Variants in ABCA10 observed in about 807,000 individuals in gnomAD.
ABCA10 encodes ATP-binding cassette sub-family A member 10.
A neutral mutation model predicts 187.5 loss-of-function variants in ABCA10; 169 were observed. The observed-to-expected ratio is 0.90, with a 90% CI of 0.80 to 1.02. ABCA10 has a LOEUF of 1.02. ABCA10 is among the 50% of genes least tolerant of loss of function. The pLI is 0.00. For missense variants in ABCA10, 1,727 were observed against 1,812.4 expected (o/e 0.95, Z 0.86); for synonymous variants, 574 against 601.8 (o/e 0.95, Z 0.68).
intron 27 of ABCA10, among the ~76,000 whole-genome samples, chr17:69,157,148 T>G (rs2074180734): frequency 6.6e-6 from 1 of 152,190 alleles, no homozygotes; most frequent in East Asian, 1.9e-4. Flanking sequence ...CCACATTAAT[T>G]TTTTTAAAAA....
intron 5 of ABCA10, 63 bp from the exon 6 acceptor site, chr17:69,219,834 A>G (rs2074733282): frequency 1.7e-6 from 2 of 1,153,780 alleles, no homozygotes; most frequent in African/African-American, 3.1e-5. Context: ...AGAAAACTAT[A>G]CACTTTTTAT....
chr17:69,212,720 C>T (rs934885637), intron 9 of ABCA10, among the ~76,000 whole-genome samples: 11 of 152,134 alleles, frequency 7.2e-5, no homozygotes, highest in Non-Finnish European at 1.3e-4. Flanking sequence ...TAATGTCCCT[C>T]TTTGTCTTTT....
chr17:69,242,294 C>G (rs1426572188), intron 1 of ABCA10, among the ~76,000 whole-genome samples: 1 of 152,092 alleles, frequency 6.6e-6, no homozygotes, highest in Non-Finnish European at 1.5e-5. Context: ...TTTCCTACAA[C>G]TATATGACAA....
chr17:69,220,501 A>T lies in ABCA10; in HGVS notation c.304-730T>A, dbSNP rs150008386. Among the ~76,000 whole-genome samples, 14 of 152,288 alleles carry T rather than the reference A, an allele frequency of 9.2e-5. No individual in the cohort carries two copies. In the East Asian group the frequency reaches 2.7e-3, roughly 29 times the overall value. ...AATAAGAGGCCAGGTAAAAGATTGGATGTGATGAGTGAGACAGAGAAAATT... is the reference window on the plus strand; with the variant it reads ...AATAAGAGGCCAGGTAAAAGATTGGTTGTGATGAGTGAGACAGAGAAAATT... On this transcript the variant is annotated intron_variant, in intron 5 of 38. Transcript: ENST00000690296.
intron 9 of ABCA10, among the ~76,000 whole-genome samples, chr17:69,210,847 C>CACATATATATATATATATATATAT (rs1169352704): frequency 1.7e-3 from 64 of 37,884 alleles, no homozygotes; most frequent in African/African-American, 3.5e-3. Flanking sequence ...ATTTATGCCA[C>CACATATATATATATATATATATAT]ATATATATAT....
chr17:69,211,282 A>G (rs945825273), intron 9 of ABCA10, among the ~76,000 whole-genome samples: 13 of 116,534 alleles, frequency 1.1e-4, no homozygotes, highest in Admixed American at 2.8e-4. Context: ...ATCCTATGGT[A>G]TATATATATC....
At chr17:69,177,795 A>T (rs1422106128) in intron 22 of ABCA10, among the ~76,000 whole-genome samples, 5 of 150,518 alleles carry the variant, frequency 3.3e-5, no homozygotes, top group Non-Finnish European at 7.4e-5. Context: ...CTCTACTAAA[A>T]ATACAAAAAA....
At chr17:69,153,070 G>A (rs1204113539) in intron 34 of ABCA10, among the ~76,000 whole-genome samples, 1 of 152,006 alleles carries the variant, frequency 6.6e-6, no homozygotes, top group South Asian at 2.1e-4. Flanking sequence ...AGAGGAATAA[G>A]AAAGAGAAAT....
In ABCA10 at chr17:69,218,643, T is replaced by C. The variant is rs180980994; in HGVS notation, c.530+902A>G. On this transcript the variant is annotated intron_variant, in intron 6 of 38. Transcript: ENST00000690296. ...TATATATATAAATGCATAGACTATATAGATGGAGAGCATAGATATATATAT... is the reference window on the plus strand; with the variant it reads ...TATATATATAAATGCATAGACTATACAGATGGAGAGCATAGATATATATAT... Among the ~76,000 whole-genome samples the C allele has an allele frequency of 4.0e-5, 6 of 149,430 alleles. 1 individual carries two copies. Among genetic ancestry groups the C allele is most frequent in the Admixed American group, 1.3e-4 (2 of 15,122 alleles).
intron 1 of ABCA10, among the ~76,000 whole-genome samples, chr17:69,238,520 C>T (rs2074885775): frequency 6.6e-6 from 1 of 152,156 alleles, no homozygotes; most frequent in Non-Finnish European, 1.5e-5. Context: ...TAGCTCTAGG[C>T]TAGGATTTTA....
rs778728455 is a variant in ABCA10, at chr17:69,152,348, G to A, written c.4256+14C>T. The A allele has an allele frequency of 3.7e-6, 6 of 1,611,602 alleles. No individual in the cohort carries two copies. The highest frequency in any genetic ancestry group is 5.1e-6 in the Non-Finnish European group (6 of 1,178,988). ...GAACATGCTAGTCCCATGCTGGTCA[G>A]GACAGGCACCCACCTTAGCGTTCCT... is the stretch of plus-strand genomic sequence containing the variant. On this transcript the variant is annotated intron_variant, in intron 35 of 38. Coordinates refer to ENST00000690296, the MANE Select transcript of ABCA10 (RefSeq NM_001377321.1).
At chr17:69,171,008 A>T in intron 25 of ABCA10, among the ~76,000 whole-genome samples, 1 of 152,236 alleles carries the variant, frequency 6.6e-6, no homozygotes, top group East Asian at 1.9e-4. Context: ...TGGCTTGTAC[A>T]ATCGTAGATG....
chr17:69,220,871 C>T (rs2074742476), intron 5 of ABCA10, among the ~76,000 whole-genome samples: 1 of 152,174 alleles, frequency 6.6e-6, no homozygotes, highest in Non-Finnish European at 1.5e-5. Flanking sequence ...GGCTTTCATA[C>T]TACAACAGCA....
rs182956228 is a variant in ABCA10 at position 69,160,719 on chromosome 17, T to C, written c.3363+3355A>G. 1.8e-3 allele frequency among the ~76,000 whole-genome samples: 277 copies of C among 152,278 alleles called. 2 individuals carry two copies. The highest frequency in any genetic ancestry group is 6.3e-3 in the African/African-American group (262 of 41,558). On this transcript the variant is annotated intron_variant, in intron 27 of 38. Coordinates refer to ENST00000690296, the MANE Select transcript of ABCA10 (RefSeq NM_001377321.1). ...AACGCAAATGAAAACCACAATGGCATACCACCTCACATCCATTAGGATGAC... is the reference window on the plus strand; with the variant it reads ...AACGCAAATGAAAACCACAATGGCACACCACCTCACATCCATTAGGATGAC...
chr17:69,238,850 C>G (rs2074887560), intron 1 of ABCA10, among the ~76,000 whole-genome samples: 1 of 152,150 alleles, frequency 6.6e-6, no homozygotes, highest in Non-Finnish European at 1.5e-5. Flanking sequence ...TCTGTTGAGG[C>G]AATTGTCTTC....
chr17:69,180,422 A>T (rs1179853030), intron 22 of ABCA10, among the ~76,000 whole-genome samples: 1 of 152,192 alleles, frequency 6.6e-6, no homozygotes, highest in Non-Finnish European at 1.5e-5. Flanking sequence ...ACTCAGTTCC[A>T]CTGAAAAATA....
intron 25 of ABCA10, among the ~76,000 whole-genome samples, chr17:69,170,035 C>T (rs2074285443): frequency 6.6e-6 from 1 of 151,984 alleles, no homozygotes. Flanking sequence ...ATCCTGTAAT[C>T]CTAACACTTT....
chr17:69,186,955 T>G (rs2074426162), intron 19 of ABCA10, among the ~76,000 whole-genome samples: 1 of 152,206 alleles, frequency 6.6e-6, no homozygotes, highest in South Asian at 2.1e-4. Flanking sequence ...ATAACAGGCT[T>G]CAATAAAGAT....
At chr17:69,198,373 G>C (rs1255468799) in intron 10 of ABCA10, among the ~76,000 whole-genome samples, 5 of 152,114 alleles carry the variant, frequency 3.3e-5, no homozygotes, top group Admixed American at 2.6e-4. Flanking sequence ...TTCAGTATCA[G>C]ATTTTGCTAA....
Sources: allele counts gnomAD v4.1 joint callset (sites outside exome capture counted in the v4.1 genomes callset), GRCh38; gene constraint gnomAD v4.1.1; transcripts MANE v1.5; gene names NCBI Gene and HGNC (gene_info 2026-07-23, HGNC 2026-07-21).